The following FOXP4 variants were observed in gnomAD, a reference collection of about 807,000 sequenced individuals.
FOXP4 encodes forkhead box P4, also known as forkhead box protein P4.
A neutral mutation model predicts 82.6 loss-of-function variants in FOXP4; 25 were observed. That is an observed-to-expected ratio of 0.30 (90% CI 0.22 to 0.42). FOXP4 has a LOEUF of 0.42. Among genes scored for constraint, FOXP4 ranks in the 10% least tolerant of loss-of-function variants. The pLI, the probability that FOXP4 is intolerant of heterozygous loss-of-function variation, is 1.00. For synonymous variants in FOXP4, 415 were observed against 388.2 expected (o/e 1.07, Z -0.81); for missense variants, 785 against 900.9 (o/e 0.87, Z 1.65).
intron 3 of FOXP4, among the ~76,000 whole-genome samples, chr6:41,583,225 C>T (rs1765904897): frequency 6.6e-6 from 1 of 152,186 alleles, no homozygotes; most frequent in African/African-American, 2.4e-5. Flanking sequence ...ATGGGGTGAG[C>T]GAGAGGTGTT....
chr6:41,596,730 A>G (rs888633959), intron 14 of FOXP4, among the ~76,000 whole-genome samples: 2 of 152,098 alleles, frequency 1.3e-5, no homozygotes, highest in African/African-American at 2.4e-5. Context: ...CAGGCTGAGC[A>G]TATGTCTGAC....
intron 1 of FOXP4, among the ~76,000 whole-genome samples, chr6:41,565,332 C>G (rs1208300547): frequency 1.3e-5 from 2 of 152,160 alleles, no homozygotes; most frequent in Non-Finnish European, 2.9e-5. Flanking sequence ...TGCACTCTAG[C>G]CTGGGCAATA....
At chr6:41,566,280 T>A (rs758108365) in intron 2 of FOXP4, among the ~76,000 whole-genome samples, 1 of 152,206 alleles carries the variant, frequency 6.6e-6, no homozygotes, top group Non-Finnish European at 1.5e-5. Flanking sequence ...ATTGGCATGT[T>A]GGATTGGTGG....
chr6:41,558,214 T>A lies in FOXP4; in HGVS notation c.-16-7531T>A, dbSNP rs1764383586. Among the ~76,000 whole-genome samples the A allele has an allele frequency of 6.6e-6, 1 of 152,142 alleles. No individual in the cohort carries two copies. The highest frequency in any genetic ancestry group is 1.5e-5 in the Non-Finnish European group (1 of 68,024). ...TCGAACTCACAGAGCCCCATGTGTT[T>A]GGGGAGAGAAACTGCTGGCACGATC... On this transcript the variant is annotated intron_variant, in intron 1 of 16. Transcript: ENST00000307972. The surrounding 1 kb of genome is among the most constrained non-coding windows in gnomAD (Gnocchi z 4.0).
intron 3 of FOXP4, among the ~76,000 whole-genome samples, chr6:41,580,685 T>C (rs186045393): frequency 6.6e-6 from 1 of 152,282 alleles, no homozygotes; most frequent in East Asian, 1.9e-4. Flanking sequence ...CCTTGAAATG[T>C]TCTTCTATGA....
chr6:41,551,962 C>T (rs1374584968), intron 1 of FOXP4, among the ~76,000 whole-genome samples: 1 of 152,198 alleles, frequency 6.6e-6, no homozygotes, highest in African/African-American at 2.4e-5. Flanking sequence ...GAGCACAGAT[C>T]TGTGGGCACT....
In FOXP4 at chr6:41,569,244, G is replaced by A. The variant is rs183673267; in HGVS notation, c.204+3280G>A. On this transcript the variant is annotated intron_variant, in intron 2 of 16. Coordinates refer to ENST00000307972, the MANE Select transcript of FOXP4 (RefSeq NM_001012426.2). ...CAGTCAAGCTGCAAACACACCTTCA[G>A]TCTTACTTTGCACTGGGCTCCGTGC... is the stretch of plus-strand genomic sequence containing the variant. Among the ~76,000 whole-genome samples, 28 of 152,306 alleles carry A rather than the reference G, an allele frequency of 1.8e-4. No individual in the cohort carries two copies. In the East Asian group the frequency reaches 5.4e-3, roughly 29 times the overall value.
chr6:41,555,693 G>C (rs1276853806), intron 1 of FOXP4, among the ~76,000 whole-genome samples: 1 of 152,172 alleles, frequency 6.6e-6, no homozygotes, highest in East Asian at 1.9e-4. Context: ...AACCAAACTT[G>C]GCATTCGGCT....
Position 41,565,668 on chromosome 6 carries a change from G to A in FOXP4, c.-16-77G>A, listed in dbSNP as rs1023347796. ...CAGCTACTCCTGTGGCGATGGTTAT[G>A]TTTTTGGGGGTCAGCAGTCACTGCC... is the stretch of plus-strand genomic sequence containing the variant. On this transcript the variant is annotated intron_variant, in intron 1 of 16. Coordinates refer to ENST00000307972, the MANE Select transcript of FOXP4 (RefSeq NM_001012426.2). The A allele has an allele frequency of 3.7e-6, 5 of 1,362,052 alleles. No individual in the cohort carries two copies. The African/African-American group carries it at 7.3e-5, about 20-fold the overall frequency. 84.4% of individuals were successfully genotyped at this position (1,362,052 alleles called of 1,614,324 possible). A position where few individuals can be genotyped will look rare whatever the true frequency, so the allele number is the denominator to read the frequency against.
Position 41,565,781 on chromosome 6 carries a change from G to A in FOXP4, c.21G>A (p.Ser7=), listed in dbSNP as rs372773816. 9.3e-6 allele frequency: 15 copies of A among 1,607,170 alleles called. No homozygotes were observed. The highest frequency in any genetic ancestry group is 3.3e-5 in the South Asian group (3 of 90,668). Residue 7 remains serine, a synonymous_variant, in exon 2 of 17, where the codon TCG becomes TCA. Transcript: ENST00000307972. MMVESA[S]ETIRSAPSGQ... is the part of the protein sequence containing the mutation. ...GCGACATGATGGTGGAATCTGCCTC[G>A]GAGACAATCAGGTCGGCTCCATCTG... is the stretch of plus-strand genomic sequence containing the variant.
chr6:41,561,888 C>T (rs1214622298), intron 1 of FOXP4, among the ~76,000 whole-genome samples: 1 of 152,144 alleles, frequency 6.6e-6, no homozygotes, highest in Non-Finnish European at 1.5e-5. Context: ...GTGGCTGAGC[C>T]CAGGCCCCTG....
rs979803094 is a variant in FOXP4 at position 41,593,529 on chromosome 6, G to C, written c.1537-1341G>C. Among the ~76,000 whole-genome samples the C allele has an allele frequency of 6.6e-6, 1 of 152,166 alleles. No individual in the cohort carries two copies. Among genetic ancestry groups the C allele is most frequent in the Non-Finnish European group, 1.5e-5 (1 of 68,032 alleles). On this transcript the variant is annotated intron_variant, in intron 13 of 16. Coordinates refer to ENST00000307972, the MANE Select transcript of FOXP4 (RefSeq NM_001012426.2). The surrounding 1 kb of genome is among the most constrained non-coding windows in gnomAD (Gnocchi z 4.1). ...GAATTAGTCTCTCATCACGAATCAG[G>C]CTTCGAAATGAGGGAAAAAAGCCCC...
chr6:41,577,903 C>A, intron 2 of FOXP4, 83 bp from the exon 3 acceptor site: 1 of 986,270 alleles, frequency 1.0e-6, no homozygotes, highest in South Asian at 1.5e-5. Flanking sequence ...TGATCTCCTT[C>A]TCCTTACTGC....
chr6:41,566,343 G>A (rs546422200), intron 2 of FOXP4, among the ~76,000 whole-genome samples: 3 of 152,328 alleles, frequency 2.0e-5, no homozygotes, highest in South Asian at 4.1e-4. Context: ...AATGAACAGG[G>A]TTAAGAGGGT....
At chr6:41,594,762 T>TG in intron 13 of FOXP4, 108 bp from the exon 14 acceptor site, 1 of 1,503,852 alleles carries the variant, frequency 6.6e-7, no homozygotes, top group Non-Finnish European at 9.0e-7. Flanking sequence ...ATCCCTGAGC[T>TG]GGGGAAGGTG....
intron 4 of FOXP4, 117 bp from the exon 5 acceptor site, chr6:41,585,314 C>G: frequency 9.3e-7 from 1 of 1,070,918 alleles, no homozygotes; most frequent in Non-Finnish European, 1.3e-6. Flanking sequence ...CTGGGGAAAG[C>G]CAGACCATGT....
intron 3 of FOXP4, among the ~76,000 whole-genome samples, chr6:41,582,962 C>A (rs1276733448): frequency 1.3e-5 from 2 of 152,152 alleles, no homozygotes; most frequent in Non-Finnish European, 2.9e-5. Flanking sequence ...ACATCCCAAC[C>A]CTGCCACTTA....
chr6:41,582,985 T>C (rs893981764), intron 3 of FOXP4, among the ~76,000 whole-genome samples: 2 of 152,060 alleles, frequency 1.3e-5, no homozygotes, highest in African/African-American at 2.4e-5. Context: ...GCCACCAGAC[T>C]TTCCTGGTCT....
At chr6:41,570,929 T>C (rs1258357108) in intron 2 of FOXP4, among the ~76,000 whole-genome samples, 1 of 152,090 alleles carries the variant, frequency 6.6e-6, no homozygotes, top group Non-Finnish European at 1.5e-5. Flanking sequence ...GTAGGAATCT[T>C]CAGGACGAGA....
Sources: allele counts gnomAD v4.1 joint callset (sites outside exome capture counted in the v4.1 genomes callset), GRCh38; gene constraint gnomAD v4.1.1; non-coding constraint Gnocchi (gnomAD v3.1); transcripts MANE v1.5; gene names NCBI Gene and HGNC (gene_info 2026-07-23, HGNC 2026-07-21).